The following ZNF407 variants were observed in gnomAD, a reference collection of about 807,000 sequenced individuals.
ZNF407 encodes the protein zinc finger protein 407.
Under a neutral mutation model 131.2 loss-of-function variants are expected in ZNF407, and 17 were observed. That is an observed-to-expected ratio of 0.13 (90% confidence interval 0.09 to 0.19). The LOEUF (loss-of-function observed/expected upper bound fraction) is 0.19, where lower values mean the gene tolerates loss of function less well. Among genes scored for constraint, ZNF407 ranks in the 10% least tolerant of loss-of-function variants. The pLI, the probability that ZNF407 is intolerant of heterozygous loss-of-function variation, is 1.00. For synonymous variants in ZNF407, 1,156 were observed against 1,062.0 expected, an observed-to-expected ratio of 1.09 and a Z score of -1.72; for missense variants, 2,681 against 2,830.6, an observed-to-expected ratio of 0.95 and a Z score of 1.20.
chr18:74,755,581 GGTTTTTT>G lies in ZNF407; in HGVS notation c.4803-25846_4803-25840del, dbSNP rs1172476861. ...CTTCCTTCCTTCCTTCCTCCTTTCT[GGTTTTTT>G]TTTTTTTTTTTTTTTTCTGAGACCG... is the stretch of plus-strand genomic sequence containing the variant. On this transcript the variant is annotated intron_variant, in intron 3 of 8. Coordinates refer to ENST00000299687, the MANE Select transcript of ZNF407 (RefSeq NM_017757.3). 1.6e-3 allele frequency among the ~76,000 whole-genome samples: 50 copies of G among 31,030 alleles called. 1 individual carries two copies. The highest frequency in any genetic ancestry group is 0.016 in the Middle Eastern group (1 of 62). The allele number at this position is 31,030 out of a possible 152,430, so 20.4% of individuals were successfully genotyped here. A position where few individuals can be genotyped will look rare whatever the true frequency, so the allele number is the denominator to read the frequency against.
intron 3 of ZNF407, among the ~76,000 whole-genome samples, chr18:74,693,418 G>GT (rs1248224980): frequency 6.6e-6 from 1 of 152,158 alleles, no homozygotes; most frequent in East Asian, 1.9e-4. Flanking sequence ...ATTTAAAAGT[G>GT]TGTTTAACTG....
intron 8 of ZNF407, among the ~76,000 whole-genome samples, chr18:74,959,848 T>C (rs1972318495): frequency 6.6e-6 from 1 of 152,252 alleles, no homozygotes; most frequent in Non-Finnish European, 1.5e-5. Context: ...CATGGTGACA[T>C]TGAAGATGGC....
intron 3 of ZNF407, among the ~76,000 whole-genome samples, chr18:74,742,050 G>C (rs1285421993): frequency 6.6e-6 from 1 of 152,142 alleles, no homozygotes; most frequent in African/African-American, 2.4e-5. Flanking sequence ...TTATATTATG[G>C]AACACTTCTT....
At chr18:74,928,535 A>G (rs1344583823) in intron 8 of ZNF407, among the ~76,000 whole-genome samples, 1 of 152,194 alleles carries the variant, frequency 6.6e-6, no homozygotes, top group Non-Finnish European at 1.5e-5. Flanking sequence ...CCAATAAGAG[A>G]TGGCATTCCA....
chr18:74,948,021 C>A (rs1265206297), intron 8 of ZNF407, among the ~76,000 whole-genome samples: 1 of 152,164 alleles, frequency 6.6e-6, no homozygotes. Context: ...AACAGCAGAA[C>A]CCAGGATACT....
chr18:74,599,258 G>A (rs1176894714), intron 1 of ZNF407, among the ~76,000 whole-genome samples: 1 of 152,188 alleles, frequency 6.6e-6, no homozygotes, highest in Non-Finnish European at 1.5e-5. Context: ...CTTCTTGCGT[G>A]ACATGTAAGG....
At chr18:74,936,171 A>T (rs1972037953) in intron 8 of ZNF407, among the ~76,000 whole-genome samples, 1 of 152,226 alleles carries the variant, frequency 6.6e-6, no homozygotes, top group Non-Finnish European at 1.5e-5. Flanking sequence ...AAATTTTTAA[A>T]TATCTTTTTT....
intron 5 of ZNF407, 39 bp from the exon 6 acceptor site, chr18:74,880,997 T>C: frequency 6.5e-7 from 1 of 1,536,522 alleles, no homozygotes; most frequent in Non-Finnish European, 8.9e-7. Flanking sequence ...TAATGATCTG[T>C]GACCTCCGCA....
chr18:74,780,045 A>G (rs1348307641), intron 3 of ZNF407, among the ~76,000 whole-genome samples: 14 of 152,228 alleles, frequency 9.2e-5, no homozygotes, highest in Admixed American at 7.2e-4. Flanking sequence ...TCAGCATTTA[A>G]TATTATCACA....
At chr18:74,833,116 G>A (rs948497682) in intron 4 of ZNF407, among the ~76,000 whole-genome samples, 2 of 152,142 alleles carry the variant, frequency 1.3e-5, no homozygotes, top group Non-Finnish European at 2.9e-5. Context: ...GTTTCATTCT[G>A]GAAGCCAGAT....
intron 3 of ZNF407, among the ~76,000 whole-genome samples, chr18:74,673,131 C>T (rs1449189655): frequency 6.6e-6 from 1 of 152,190 alleles, no homozygotes; most frequent in Non-Finnish European, 1.5e-5. Context: ...TAAGTGAAGA[C>T]TCTATGCCTT....
intron 3 of ZNF407, among the ~76,000 whole-genome samples, chr18:74,754,204 A>T (rs1335753506): frequency 6.6e-6 from 1 of 151,764 alleles, no homozygotes; most frequent in African/African-American, 2.4e-5. Context: ...CCCCTTTATC[A>T]TTTTTTTATT....
chr18:74,612,799 C>G (rs1172515961), intron 1 of ZNF407, among the ~76,000 whole-genome samples: 1 of 152,114 alleles, frequency 6.6e-6, no homozygotes, highest in Non-Finnish European at 1.5e-5. Flanking sequence ...ACAGAGAGAT[C>G]AGGCACAGAA....
chr18:74,759,852 T>C (rs1969053642), intron 3 of ZNF407, among the ~76,000 whole-genome samples: 1 of 151,712 alleles, frequency 6.6e-6, no homozygotes, highest in Non-Finnish European at 1.5e-5. Flanking sequence ...GTTAGTGTTT[T>C]TGTCTAGCAG....
chr18:74,641,113 A>G lies in ZNF407; in HGVS notation c.4793A>G (p.His1598Arg), dbSNP rs1032729581. ...RHLGMREYKC[H>R]VCGVAFVMKK... ...CTTGGGATGAGGGAATACAAGTGTC[A>G]TGTCTGTGGGTGAGTAAATTGAAGC... The change falls in exon 3 of 9, where the codon CAT becomes CGT. Residue 1598 changes from histidine to arginine, a missense_variant. Physicochemically the swap from His to Arg is conservative, Grantham distance 29. Around this residue, in one of 6 missense-constraint regions of ZNF407, gnomAD observed 213 missense variants for 332.2 expected, o/e 0.64. Coordinates refer to ENST00000299687, the MANE Select transcript of ZNF407 (RefSeq NM_017757.3). The G allele has an allele frequency of 4.3e-6, 7 of 1,612,528 alleles. No individual in the cohort carries two copies. The highest frequency in any genetic ancestry group is 4.2e-6 in the Non-Finnish European group (5 of 1,178,808).
intron 8 of ZNF407, among the ~76,000 whole-genome samples, chr18:74,938,910 AC>A (rs1274708129): frequency 6.6e-6 from 1 of 152,194 alleles, no homozygotes; most frequent in Non-Finnish European, 1.5e-5. Context: ...GGTAGCAGTC[AC>A]CCCACTGAAG....
At chr18:74,930,674 CAA>C (rs2145255032) in intron 8 of ZNF407, among the ~76,000 whole-genome samples, 1 of 152,056 alleles carries the variant, frequency 6.6e-6, no homozygotes, top group East Asian at 1.9e-4. Flanking sequence ...GTTTATAATC[CAA>C]TACCATTGTG....
chr18:74,881,562 CCTCT>C (rs141345704), intron 6 of ZNF407, among the ~76,000 whole-genome samples: 1 of 150,450 alleles, frequency 6.6e-6, no homozygotes, highest in Non-Finnish European at 1.5e-5. Flanking sequence ...CCCCTCCCTT[CCTCT>C]CTCTCTCTCT....
At chr18:74,852,439 T>C (rs981279586) in intron 4 of ZNF407, among the ~76,000 whole-genome samples, 2 of 152,062 alleles carry the variant, frequency 1.3e-5, no homozygotes, top group Admixed American at 1.3e-4. Flanking sequence ...TAAGTTAAAT[T>C]TGGAACAAAA....
Sources: allele counts gnomAD v4.1 joint callset (sites outside exome capture counted in the v4.1 genomes callset), GRCh38; gene constraint gnomAD v4.1.1; regional missense constraint gnomAD v4.1.1; transcripts MANE v1.5; gene names NCBI Gene and HGNC (gene_info 2026-07-23, HGNC 2026-07-21).